NAALADL2: variants seen among roughly 807,000 people sequenced by gnomAD.
The protein encoded by NAALADL2 is inactive N-acetylated-alpha-linked acidic dipeptidase-like protein 2.
A neutral mutation model predicts 87.2 loss-of-function variants in NAALADL2; 76 were observed. The observed-to-expected ratio is 0.87, with a 90% CI of 0.72 to 1.05. NAALADL2 has a LOEUF of 1.05. NAALADL2 is among the 50% of genes least tolerant of loss of function. The pLI is 0.00. For synonymous variants in NAALADL2, 354 were observed against 331.0 expected (o/e 1.07, Z -0.75); for missense variants, 1,089 against 945.8 (o/e 1.15, Z -1.99).
intron 3 of NAALADL2, among the ~76,000 whole-genome samples, chr3:174,743,621 C>G (rs1271668002): frequency 6.6e-6 from 1 of 151,774 alleles, no homozygotes; most frequent in Non-Finnish European, 1.5e-5. Flanking sequence ...AGAGAAACAG[C>G]ATATAATGTC....
At chr3:174,586,483 C>T (rs1578233646) in intron 2 of NAALADL2, among the ~76,000 whole-genome samples, 2 of 152,256 alleles carry the variant, frequency 1.3e-5, no homozygotes, top group East Asian at 3.9e-4. Context: ...GAACCAGCGA[C>T]GAGACCACAG....
intron 11 of NAALADL2, chr3:175,718,153 A>T: frequency 2.6e-6 from 3 of 1,151,546 alleles, no homozygotes; most frequent in Non-Finnish European, 3.6e-6. Context: ...TGGAAAATGA[A>T]GACTGATTAA....
chr3:175,583,516 TG>T (rs11293875), intron 10 of NAALADL2, among the ~76,000 whole-genome samples: 19,094 of 148,446 alleles, frequency 0.13, 3,241 homozygotes, highest in African/African-American at 0.39. Flanking sequence ...ATCAGATGTG[TG>T]GGGAACCAGG....
chr3:174,883,133 G>A (rs1729639227), intron 1 of NAALADL2, among the ~76,000 whole-genome samples: 1 of 151,822 alleles, frequency 6.6e-6, no homozygotes, highest in Admixed American at 6.6e-5. Context: ...ACATTTTCTT[G>A]CCTGCTTATA....
chr3:175,641,466 T>C (rs1276765821), intron 11 of NAALADL2, among the ~76,000 whole-genome samples: 1 of 152,202 alleles, frequency 6.6e-6, no homozygotes, highest in East Asian at 1.9e-4. Flanking sequence ...AGTTTTATCT[T>C]CAGAGGCTGG....
intron 2 of NAALADL2, among the ~76,000 whole-genome samples, chr3:174,697,402 A>G (rs997041617): frequency 1.3e-5 from 2 of 152,206 alleles, no homozygotes; most frequent in Admixed American, 6.5e-5. Context: ...GCAGAAGTGT[A>G]ATATCCCTTA....
intron 1 of NAALADL2, among the ~76,000 whole-genome samples, chr3:174,861,889 T>G (rs1484951442): frequency 6.9e-6 from 1 of 145,332 alleles, no homozygotes; most frequent in East Asian, 1.9e-4. Flanking sequence ...CTGGTAGTAT[T>G]GAGAACCCAT....
chr3:175,718,103 C>G, intron 11 of NAALADL2: 1 of 769,462 alleles, frequency 1.3e-6, no homozygotes, highest in Non-Finnish European at 2.0e-6. Context: ...CTTTCCAGTA[C>G]TTTGAGGTCT....
chr3:174,577,262 A>G (rs1560067749), intron 2 of NAALADL2, among the ~76,000 whole-genome samples: 1 of 152,192 alleles, frequency 6.6e-6, no homozygotes, highest in Non-Finnish European at 1.5e-5. Flanking sequence ...ATCTGATTAA[A>G]TAACATTATT....
chr3:175,664,706 A>C (rs1732717803), intron 11 of NAALADL2, among the ~76,000 whole-genome samples: 1 of 152,144 alleles, frequency 6.6e-6, no homozygotes, highest in Non-Finnish European at 1.5e-5. Context: ...AAATTATTAT[A>C]AGCCTTTTCA....
chr3:175,181,666 G>C (rs1455318528), intron 2 of NAALADL2, among the ~76,000 whole-genome samples: 2 of 130,274 alleles, frequency 1.5e-5, no homozygotes, highest in African/African-American at 6.1e-5. Context: ...TGACTGAATA[G>C]TATTCCATTG....
At chr3:175,051,101 C>A (rs1327269275) in intron 1 of NAALADL2, among the ~76,000 whole-genome samples, 1 of 152,004 alleles carries the variant, frequency 6.6e-6, no homozygotes, top group Non-Finnish European at 1.5e-5. Context: ...TAAGAAATGG[C>A]ATAAAAAATT....
chr3:175,697,133 C>T (rs544570090), intron 11 of NAALADL2, among the ~76,000 whole-genome samples: 2 of 152,174 alleles, frequency 1.3e-5, no homozygotes, highest in Admixed American at 6.6e-5. Flanking sequence ...CTGAAGCCAA[C>T]ATCAAGCAAG....
chr3:174,959,464 A>G (rs1024925946), intron 1 of NAALADL2, among the ~76,000 whole-genome samples: 13 of 152,052 alleles, frequency 8.5e-5, no homozygotes, highest in Admixed American at 1.3e-4. Flanking sequence ...GTTATATCAC[A>G]GAGGGGCACT....
At position 175,593,830 on chromosome 3, in the gene NAALADL2, T is replaced by A. The variant is rs551577373; in HGVS notation, c.1800+17643T>A. ...GCAAAGACCCTCTCTCCCAATAAGG[T>A]CACATTCACATGTATTGAGAATTAG... On this transcript the variant is annotated intron_variant, in intron 10 of 13. Coordinates refer to ENST00000454872, the MANE Select transcript of NAALADL2 (RefSeq NM_207015.3). Among the ~76,000 whole-genome samples, 39 of 152,162 alleles carry A rather than the reference T, an allele frequency of 2.6e-4. 1 individual carries two copies. The South Asian group carries it at 7.7e-3, about 30-fold the overall frequency.
chr3:175,749,111 AAAGGGGAAGGGAGGG>A (rs1330502646), intron 12 of NAALADL2, among the ~76,000 whole-genome samples: 1 of 140,062 alleles, frequency 7.1e-6, no homozygotes, highest in Non-Finnish European at 1.5e-5. Context: ...ATCAGGAAAG[AAAGGGGAAGGGAGGG>A]GAGGAGAAGG....
chr3:175,114,205 G>A (rs1724712930), intron 2 of NAALADL2, among the ~76,000 whole-genome samples: 1 of 151,574 alleles, frequency 6.6e-6, no homozygotes, highest in South Asian at 2.1e-4. Context: ...TACTAATGCA[G>A]GTATAGACAA....
intron 2 of NAALADL2, among the ~76,000 whole-genome samples, chr3:174,604,476 T>C (rs1413417369): frequency 6.6e-6 from 1 of 152,166 alleles, no homozygotes; most frequent in Non-Finnish European, 1.5e-5. Flanking sequence ...GTGTATTTCT[T>C]GTAGGTAATA....
intron 10 of NAALADL2, among the ~76,000 whole-genome samples, chr3:175,595,232 A>G (rs1481309222): frequency 2.6e-5 from 4 of 152,138 alleles, no homozygotes; most frequent in Non-Finnish European, 5.9e-5. Context: ...CAGTTATTCC[A>G]GCATCATTTA....
Sources: gnomAD v4.1 joint callset for allele counts (sites outside exome capture counted in the v4.1 genomes callset) on GRCh38, gnomAD v4.1.1 for gene constraint, MANE v1.5 for transcripts, NCBI Gene and HGNC (gene_info 2026-07-23, HGNC 2026-07-21) for gene names.